Variants in AIM2 observed in about 807,000 individuals in gnomAD.
AIM2 encodes the protein interferon-inducible protein AIM2.
In AIM2, 30 loss-of-function variants were observed where a neutral mutation model predicts 27.7. The observed-to-expected ratio is 1.08, with a 90% CI of 0.81 to 1.47. The LOEUF is 1.47. Ranked by LOEUF, AIM2 falls within the 40% of genes most tolerant of loss-of-function variation. AIM2 has a pLI of 0.00. For synonymous variants in AIM2, 141 were observed against 145.3 expected (o/e 0.97, Z 0.21); for missense variants, 358 against 411.3 (o/e 0.87, Z 1.12).
intron 1 of AIM2, among the ~76,000 whole-genome samples, chr1:159,100,183 T>C (rs1377367688): frequency 2.0e-5 from 3 of 152,184 alleles, no homozygotes; most frequent in African/African-American, 7.2e-5. Flanking sequence ...CTCTTTTGAC[T>C]CTCCATGTTA....
In AIM2 at chr1:159,062,645, T is replaced by G; in HGVS notation, c.*47A>C. On this transcript the variant is annotated 3_prime_UTR_variant, in exon 6 of 6. Transcript: ENST00000368130. Reference sequence around the variant, plus strand: ...GAGGCTGTATCACATATTCTTCAATTAAATGCTGCTTAGACCAGTTGGCTT... The same window carrying G: ...GAGGCTGTATCACATATTCTTCAATGAAATGCTGCTTAGACCAGTTGGCTT... The G allele has an allele frequency of 1.3e-6, 2 of 1,588,844 alleles. No individual in the cohort carries two copies. The highest frequency in any genetic ancestry group is 1.7e-6 in the Non-Finnish European group (2 of 1,159,714).
chr1:159,058,819 G>GT (rs1655738732), downstream of AIM2, among the ~76,000 whole-genome samples: 1 of 152,128 alleles, frequency 6.6e-6, no homozygotes, highest in South Asian at 2.1e-4. Context: ...GGAGGGCAGG[G>GT]TTTTTTGGGT....
At chr1:159,113,031 G>A (rs774078772) in intron 1 of AIM2, among the ~76,000 whole-genome samples, 18 of 151,616 alleles carry the variant, frequency 1.2e-4, no homozygotes, top group African/African-American at 1.7e-4. Flanking sequence ...TGCAAGCTCC[G>A]CTTCCGGGGT....
chr1:159,065,805 T>C, intron 4 of AIM2, 105 bp downstream of exon 4: 1 of 1,205,386 alleles, frequency 8.3e-7, no homozygotes, highest in South Asian at 1.8e-5. Flanking sequence ...TTTTTTATTT[T>C]GTCTATATAG....
chr1:159,090,508 C>T (rs778384422), intron 1 of AIM2, among the ~76,000 whole-genome samples: 4 of 152,190 alleles, frequency 2.6e-5, no homozygotes, highest in Non-Finnish European at 5.9e-5. Flanking sequence ...ATTGTCATCA[C>T]GCCACTAAAA....
At chr1:159,116,927 G>C (rs1260642439) in intron 1 of AIM2, among the ~76,000 whole-genome samples, 2 of 151,978 alleles carry the variant, frequency 1.3e-5, no homozygotes, top group Admixed American at 1.3e-4. Context: ...ATTCAAGAAG[G>C]AAAAGGTACT....
intron 1 of AIM2, among the ~76,000 whole-genome samples, chr1:159,109,574 C>T (rs1270362467): frequency 6.6e-6 from 1 of 152,148 alleles, no homozygotes; most frequent in Admixed American, 6.5e-5. Context: ...TTTAATTAAA[C>T]TAAAGGGCTT....
chr1:159,094,180 C>T (rs185195284), intron 1 of AIM2, among the ~76,000 whole-genome samples: 243 of 152,236 alleles, frequency 1.6e-3, no homozygotes, highest in Non-Finnish European at 1.7e-3. Context: ...AGAGGACAGA[C>T]GGGAACTTCA....
chr1:159,117,356 G>T (rs1331158996), intron 1 of AIM2, among the ~76,000 whole-genome samples: 1 of 152,152 alleles, frequency 6.6e-6, no homozygotes, highest in Non-Finnish European at 1.5e-5. Context: ...AAAAGGTATA[G>T]TTAACCTTAA....
chr1:159,097,796 T>C (rs1392448035), intron 1 of AIM2, among the ~76,000 whole-genome samples: 1 of 152,192 alleles, frequency 6.6e-6, no homozygotes, highest in Non-Finnish European at 1.5e-5. Flanking sequence ...ACTATAAGTA[T>C]TAATTCACAT....
upstream of AIM2, among the ~76,000 whole-genome samples, chr1:159,144,625 C>T (rs1477235109): frequency 2.0e-5 from 3 of 151,824 alleles, no homozygotes; most frequent in Non-Finnish European, 4.4e-5. Context: ...GTACATTCAC[C>T]TTCCAAAAAA....
intron 1 of AIM2, chr1:159,122,366 A>G (rs376714134): frequency 1.3e-3 from 205 of 152,308 alleles, no homozygotes; most frequent in African/African-American, 4.7e-3. Context: ...ACTGGCATCA[A>G]TATCCAGTAA....
chr1:159,077,642 TTTTATTGC>T (rs1656660085), upstream of AIM2, among the ~76,000 whole-genome samples: 1 of 152,162 alleles, frequency 6.6e-6, no homozygotes, highest in Admixed American at 6.5e-5. Flanking sequence ...TTGACCGCAT[TTTTATTGC>T]TTGTAGCCAC....
At chr1:159,110,597 T>C (rs1349530749) in intron 1 of AIM2, among the ~76,000 whole-genome samples, 1 of 152,194 alleles carries the variant, frequency 6.6e-6, no homozygotes, top group African/African-American at 2.4e-5. Context: ...TCAGCCCACC[T>C]ATTGCCAAAG....
At chr1:159,087,846 T>C (rs557545254) in intron 1 of AIM2, among the ~76,000 whole-genome samples, 2 of 152,234 alleles carry the variant, frequency 1.3e-5, no homozygotes, top group Non-Finnish European at 2.9e-5. Flanking sequence ...GTGCTGGAAT[T>C]AGTTGTGAGC....
At chr1:159,083,130 A>G (rs572882197) in intron 1 of AIM2, among the ~76,000 whole-genome samples, 1 of 152,344 alleles carries the variant, frequency 6.6e-6, no homozygotes, top group Non-Finnish European at 1.5e-5. Flanking sequence ...GAATCTAAAC[A>G]TACTACATGG....
intron 2 of AIM2, 33 bp from the exon 3 acceptor site, chr1:159,068,734 CA>C (rs1323178665): frequency 2.5e-6 from 4 of 1,605,694 alleles, no homozygotes; most frequent in Non-Finnish European, 3.4e-6. Context: ...GGCCAATAAG[CA>C]TATAAACATA....
intron 1 of AIM2, among the ~76,000 whole-genome samples, chr1:159,104,248 CCT>C (rs1411891334): frequency 1.3e-5 from 2 of 152,058 alleles, no homozygotes; most frequent in African/African-American, 4.8e-5. Context: ...GGGCTTCTCC[CCT>C]GATATTGAAA....
chr1:159,071,321 A>G (rs1415779119), intron 2 of AIM2, among the ~76,000 whole-genome samples: 1 of 152,258 alleles, frequency 6.6e-6, no homozygotes, highest in Admixed American at 6.5e-5. Flanking sequence ...TCACTTAACC[A>G]AGAATGACAG....
Sources: allele counts gnomAD v4.1 joint callset (sites outside exome capture counted in the v4.1 genomes callset), GRCh38; gene constraint gnomAD v4.1.1; transcripts MANE v1.5; gene names NCBI Gene and HGNC (gene_info 2026-07-23, HGNC 2026-07-21).